POLRMT: variants seen among roughly 807,000 people sequenced by gnomAD.
POLRMT encodes RNA polymerase mitochondrial, also known as DNA-directed RNA polymerase, mitochondrial.
A neutral mutation model predicts 132.2 loss-of-function variants in POLRMT; 114 were observed. The ratio of observed to expected loss-of-function variants is 0.86; its 90% CI spans 0.74 to 1.01. The LOEUF is 1.01. Among genes scored for constraint, POLRMT ranks in the 50% least tolerant of loss-of-function variants. POLRMT has a pLI of 0.00. For synonymous variants in POLRMT, 1,020 were observed against 773.4 expected (o/e 1.32, Z -5.29); for missense variants, 2,003 against 1,729.1 (o/e 1.16, Z -2.81).
chr19:631,033 T>G (rs191822378), intron 2 of POLRMT, among the ~76,000 whole-genome samples: 1 of 151,214 alleles, frequency 6.6e-6, no homozygotes, highest in African/African-American at 2.4e-5. Context: ...GTGGCATGTG[T>G]CTATAGTACC....
intron 5 of POLRMT, among the ~76,000 whole-genome samples, chr19:624,476 C>T (rs932232699): frequency 1.1e-4 from 16 of 152,184 alleles, no homozygotes; most frequent in Non-Finnish European, 1.5e-4. Context: ...CACTGCTCTC[C>T]TGTCACCCCA....
In POLRMT at chr19:624,905, C is replaced by A; in HGVS notation, c.954G>T (p.Arg318Ser). The A allele has an allele frequency of 6.2e-7, 1 of 1,604,338 alleles. No individual in the cohort carries two copies. Among genetic ancestry groups the A allele is most frequent in the Non-Finnish European group, 8.5e-7 (1 of 1,173,470 alleles). The change falls in exon 5 of 21, where the codon AGG (arginine) becomes AGT (serine). Residue 318 changes from arginine (R) to serine (S), a missense_variant and splice_region_variant. By Grantham distance (110) the Arg-to-Ser change is moderately radical. Transcript: ENST00000588649. ...CCTCCTGGCTCATCTGTTCCAGACA[C>A]CTGTGGTGCAGGCGGCCTGCTCGAG... Reference protein sequence around the residue: ...RQDQDAGTIERCLEQMSQEGL... With the variant: ...RQDQDAGTIESCLEQMSQEGL...
chr19:633,516 G>C lies in POLRMT; in HGVS notation c.-4C>G. 2.1e-6 allele frequency: 2 copies of C among 960,376 alleles called. No individual in the cohort carries two copies. Among genetic ancestry groups the C allele is most frequent in the South Asian group, 1.8e-5 (1 of 54,242 alleles). 59.5% of individuals were successfully genotyped at this position (960,376 alleles called of 1,614,324 possible). A position where few individuals can be genotyped will look rare whatever the true frequency, so the allele number is the denominator to read the frequency against. ...GGCCCCAGCAAAGTGCCGACATTACGCACGCCGCTCCAGGCCACCCCACCG... is the reference window on the plus strand; with the variant it reads ...GGCCCCAGCAAAGTGCCGACATTACCCACGCCGCTCCAGGCCACCCCACCG... On this transcript the variant is annotated 5_prime_UTR_variant, in exon 1 of 21. Coordinates refer to ENST00000588649, the MANE Select transcript of POLRMT (RefSeq NM_005035.4).
chr19:617,879 A>AG, intron 17 of POLRMT, 30 bp from the exon 18 acceptor site: 1 of 1,607,046 alleles, frequency 6.2e-7, no homozygotes, highest in Non-Finnish European at 8.5e-7. Context: ...TCCTGAAGGG[A>AG]GGGGAGCTCA....
chr19:618,885 CACACTGGGGCGGT>C, intron 15 of POLRMT, 99 bp downstream of exon 15: 1 of 1,357,090 alleles, frequency 7.4e-7, no homozygotes, highest in Non-Finnish European at 1.0e-6. Flanking sequence ...GATGGGGTGG[CACACTGGGGCGGT>C]GGTACACTGG....
intron 10 of POLRMT, 125 bp downstream of exon 10, chr19:620,921 GCAGGGGGCGCCA>G: frequency 7.2e-6 from 1 of 139,798 alleles, no homozygotes; most frequent in South Asian, 2.0e-4. Context: ...AGGAAGACGG[GCAGGGGGCGCCA>G]GGGGAGGGGG....
intron 11 of POLRMT, 98 bp from the exon 12 acceptor site, chr19:620,178 C>T (rs1399642210): frequency 1.3e-6 from 2 of 1,494,044 alleles, no homozygotes; most frequent in Admixed American, 2.0e-5. Flanking sequence ...TAGGGCCGTG[C>T]ACCCCCCAGC....
chr19:621,670 G>A lies in POLRMT; in HGVS notation c.2028C>T (p.Gly676=), dbSNP rs750603402. Residue 676 remains glycine (G), a synonymous_variant, in exon 10 of 21, where the codon GGC becomes GGT. Transcript: ENST00000588649. ...SPTKLMRTVE[G]ATQHQELLET... The stretch of plus-strand genomic sequence containing the variant: ...CCAGCAGCTCCTGGTGCTGCGTGGC[G>A]CCTTCCACCGTGCGCATCAGCTTGG... The A allele has an allele frequency of 5.8e-5, 91 of 1,557,526 alleles. No individual in the cohort carries two copies. The highest frequency in any genetic ancestry group is 7.7e-5 in the Non-Finnish European group (89 of 1,154,598).
chr19:624,975 C>A, intron 4 of POLRMT, 70 bp from the exon 5 acceptor site: 2 of 1,541,934 alleles, frequency 1.3e-6, no homozygotes, highest in Non-Finnish European at 1.8e-6. Flanking sequence ...CCCAGGGGAA[C>A]CTCGTGACCA....
intron 5 of POLRMT, 79 bp downstream of exon 5, chr19:624,640 T>A (rs529666954): frequency 9.4e-6 from 14 of 1,488,920 alleles, no homozygotes; most frequent in Non-Finnish European, 1.3e-5. Context: ...GGGAGGCCCA[T>A]TGGTCTGAGC....
intron 2 of POLRMT, among the ~76,000 whole-genome samples, chr19:631,132 C>T (rs564086154): frequency 6.6e-6 from 1 of 151,662 alleles, no homozygotes; most frequent in South Asian, 2.1e-4. Context: ...GAACTCCAGC[C>T]TGGGCAACAG....
rs559825836 is a variant in POLRMT at position 622,838 on chromosome 19, C to A, written c.1438G>T (p.Val480Leu). The change falls in exon 7 of 21, where the codon GTG becomes TTG. Residue 480 changes from valine to leucine, a missense_variant. Transcript: ENST00000588649. ...FLCLLDEREV[V>L]RMLLQVLQAL... ...AGACGCACCTGCAGGAGCATCCGCACCACCTCGCGCTCGTCCAGCAGGCAC... is the reference window on the plus strand; with the variant it reads ...AGACGCACCTGCAGGAGCATCCGCAACACCTCGCGCTCGTCCAGCAGGCAC... 6.3e-7 allele frequency: 1 copy of A among 1,599,688 alleles called. No individual in the cohort carries two copies. The highest frequency in any genetic ancestry group is 8.5e-7 in the Non-Finnish European group (1 of 1,174,102).
chr19:623,010 G>A, intron 6 of POLRMT, 25 bp from the exon 7 acceptor site: 1 of 1,606,920 alleles, frequency 6.2e-7, no homozygotes. Context: ...CGGGCCCGGT[G>A]AGCCCCGTGG....
In POLRMT at chr19:620,478, A is replaced by T; in HGVS notation, c.2650T>A (p.Trp884Arg). ...CAGGGTTCCTCCGCGCCCATCCACC[A>T]CTTTCGGCCCTGCGGGGACAGCGGA... ...SADQPLTGRK[W>R]WMGAEEPWQT... The change falls in exon 11 of 21, where the codon TGG (tryptophan) becomes AGG (arginine). Residue 884 changes from tryptophan to arginine, a missense_variant. Trp to Arg is a moderately radical substitution (Grantham distance 101, BLOSUM62 -3). Transcript: ENST00000588649. 1 of 1,590,414 alleles carries T rather than the reference A, an allele frequency of 6.3e-7. No individual in the cohort carries two copies. The highest frequency in any genetic ancestry group is 1.1e-5 in the South Asian group (1 of 88,194).
chr19:625,464 G>C (rs1443524587), intron 3 of POLRMT: 1 of 571,346 alleles, frequency 1.8e-6, no homozygotes, highest in Non-Finnish European at 3.0e-6. Flanking sequence ...CCGCCAGGTG[G>C]GACTGTGGGA....
Position 625,129 on chromosome 19 carries a change from G to C in POLRMT, c.948C>G (p.Ile316Met), listed in dbSNP as rs147404016. The change falls in exon 4 of 21, where the codon ATC becomes ATG. Residue 316 changes from isoleucine (I) to methionine (M), a missense_variant. Transcript: ENST00000588649. ...MGRQDQDAGTIERCLEQMSQE... is the reference protein window; with the variant it reads ...MGRQDQDAGTMERCLEQMSQE... ...GCCCTCCCGACACCACCTACCTTTC[G>C]ATGGTCCCGGCGTCCTGGTCCTGCC... 5.6e-6 allele frequency: 9 copies of C among 1,612,454 alleles called. No individual in the cohort carries two copies. In the African/African-American group the frequency reaches 8.0e-5, roughly 14 times the overall value.
intron 8 of POLRMT, 26 bp from the exon 9 acceptor site, chr19:622,399 T>C: frequency 6.6e-7 from 1 of 1,524,526 alleles, no homozygotes; most frequent in South Asian, 1.2e-5. Context: ...GTCAGGGCGC[T>C]GGGCACCGGG....
chr19:617,906 C>T (rs1200790859), intron 17 of POLRMT, 57 bp from the exon 18 acceptor site: 1 of 1,516,054 alleles, frequency 6.6e-7, no homozygotes, highest in South Asian at 1.1e-5. Flanking sequence ...CACCCAGTGA[C>T]CAGCATCCTG....
Position 633,444 on chromosome 19 carries a change from C to A in POLRMT, c.69G>T (p.Pro23=). 1 of 1,555,178 alleles carries A rather than the reference C, an allele frequency of 6.4e-7. No individual in the cohort carries two copies. The part of the protein sequence containing the change: ...LKRALRPCGR[P]GLPGKEGTAG... The stretch of plus-strand genomic sequence containing the variant: ...TGTTACCTTCTTTGCCGGGGAGTCC[C>A]GGGCGGCCGCAAGGCCGTAGGGCTC... The change falls in exon 1 of 21, where the codon CCG becomes CCT. Residue 23 remains proline (P), a synonymous_variant. Transcript: ENST00000588649.
Sources: gnomAD v4.1 joint callset for allele counts (sites outside exome capture counted in the v4.1 genomes callset) on GRCh38, gnomAD v4.1.1 for gene constraint, MANE v1.5 for transcripts, NCBI Gene and HGNC (gene_info 2026-07-23, HGNC 2026-07-21) for gene names.